HOOK3: variants seen among roughly 807,000 people sequenced by gnomAD.
HOOK3 encodes the protein hook microtubule tethering protein 3.
In HOOK3, 24 loss-of-function variants were observed where a neutral mutation model predicts 116.3. The observed-to-expected ratio is 0.21, with a 90% CI of 0.15 to 0.29. The LOEUF (loss-of-function observed/expected upper bound fraction) is 0.29, where lower values mean the gene tolerates loss of function less well. Ranked by LOEUF, HOOK3 falls within the 10% of genes least tolerant of loss-of-function variation. HOOK3 has a pLI of 1.00. For missense variants in HOOK3, 632 were observed against 830.2 expected, an observed-to-expected ratio of 0.76 and a Z score of 2.93; for synonymous variants, 275 against 283.0, an observed-to-expected ratio of 0.97 and a Z score of 0.28.
At chr8:43,006,114 G>A (rs190039629) in intron 17 of HOOK3, among the ~76,000 whole-genome samples, 27 of 141,138 alleles carry the variant, frequency 1.9e-4, no homozygotes, top group East Asian at 6.4e-4. Flanking sequence ...TCCGCCTCCC[G>A]GGTTCACGCC....
intron 21 of HOOK3, among the ~76,000 whole-genome samples, chr8:43,013,941 TTC>T (rs1456058109): frequency 6.6e-6 from 1 of 152,152 alleles, no homozygotes; most frequent in African/African-American, 2.4e-5. Context: ...TTTCAAGACT[TTC>T]TGTCTTCCTT....
intron 1 of HOOK3, among the ~76,000 whole-genome samples, chr8:42,903,338 CTTTT>C (rs1164136399): frequency 1.6e-3 from 139 of 87,604 alleles, no homozygotes; most frequent in African/African-American, 5.5e-3. Context: ...TAATAGTTGT[CTTTT>C]TTTTTTTTTT....
At chr8:42,977,424 C>T (rs1212760374) in intron 13 of HOOK3, among the ~76,000 whole-genome samples, 1 of 152,002 alleles carries the variant, frequency 6.6e-6, no homozygotes, top group East Asian at 1.9e-4. Context: ...CTTGGTTGAC[C>T]CAAAAAGACC....
intron 14 of HOOK3, among the ~76,000 whole-genome samples, chr8:42,984,401 G>C (rs1158734742): frequency 1.3e-5 from 2 of 151,714 alleles, no homozygotes; most frequent in Non-Finnish European, 2.9e-5. Context: ...ACAAACAAAA[G>C]GCGTGTTAAG....
At position 42,965,924 on chromosome 8, in the gene HOOK3, G is replaced by T. The variant is rs190269720; in HGVS notation, c.780-549G>T. On this transcript the variant is annotated intron_variant, in intron 9 of 21. Coordinates refer to ENST00000307602, the MANE Select transcript of HOOK3 (RefSeq NM_032410.4). ...AAGACCCTCTCTTTCCCGACTATGT[G>T]TCTGCAAGGCTGGATTTTCTTCATA... 2.2e-3 allele frequency among the ~76,000 whole-genome samples: 332 copies of T among 152,202 alleles called. 2 individuals are homozygous for T. Among genetic ancestry groups the T allele is most frequent in the African/African-American group, 7.8e-3 (324 of 41,512 alleles).
At chr8:42,907,121 G>A (rs953297046) in intron 2 of HOOK3, among the ~76,000 whole-genome samples, 12 of 152,162 alleles carry the variant, frequency 7.9e-5, no homozygotes, top group African/African-American at 2.7e-4. Flanking sequence ...AGGGTTTGTT[G>A]TAATTTGCAG....
chr8:42,925,942 T>C (rs1807757264), intron 3 of HOOK3, among the ~76,000 whole-genome samples: 1 of 152,196 alleles, frequency 6.6e-6, no homozygotes, highest in Admixed American at 6.5e-5. Flanking sequence ...AAATGAGGAT[T>C]AATATAGCTT....
intron 8 of HOOK3, among the ~76,000 whole-genome samples, chr8:42,961,548 A>G (rs1808534537): frequency 6.6e-6 from 1 of 152,194 alleles, no homozygotes; most frequent in Admixed American, 6.5e-5. Flanking sequence ...TATGGTAGGA[A>G]GGAATGACTC....
At chr8:42,938,085 C>T (rs1429972197) in intron 4 of HOOK3, among the ~76,000 whole-genome samples, 1 of 152,110 alleles carries the variant, frequency 6.6e-6, no homozygotes, top group Non-Finnish European at 1.5e-5. Context: ...GTATTGGGTG[C>T]ATATATATTT....
intron 4 of HOOK3, among the ~76,000 whole-genome samples, chr8:42,931,017 G>T (rs926709810): frequency 8.5e-5 from 13 of 152,148 alleles, no homozygotes; most frequent in African/African-American, 3.1e-4. Context: ...AAAGTCCTCT[G>T]TGGTTTCCCC....
At chr8:42,985,256 G>A (rs1809028400) in intron 14 of HOOK3, among the ~76,000 whole-genome samples, 2 of 152,134 alleles carry the variant, frequency 1.3e-5, no homozygotes, top group Admixed American at 1.3e-4. Flanking sequence ...AGGATATACA[G>A]AGAAGTATAT....
intron 17 of HOOK3, among the ~76,000 whole-genome samples, chr8:43,006,435 C>T (rs1056444875): frequency 7.2e-5 from 11 of 152,182 alleles, no homozygotes; most frequent in African/African-American, 2.6e-4. Context: ...CCACCTTAGC[C>T]TCCCGAGTAG....
At chr8:42,988,220 G>A (rs975964498) in intron 15 of HOOK3, among the ~76,000 whole-genome samples, 3 of 152,210 alleles carry the variant, frequency 2.0e-5, no homozygotes, top group Non-Finnish European at 4.4e-5. Context: ...GAAAAAGTGG[G>A]AAATGGAGAC....
intron 13 of HOOK3, among the ~76,000 whole-genome samples, chr8:42,974,458 G>A (rs1808783140): frequency 6.6e-6 from 1 of 151,926 alleles, no homozygotes; most frequent in South Asian, 2.1e-4. Flanking sequence ...AGGCTGGTCT[G>A]GAACTCCTGA....
At chr8:42,993,998 T>G (rs1411242813) in intron 15 of HOOK3, among the ~76,000 whole-genome samples, 1 of 152,150 alleles carries the variant, frequency 6.6e-6, no homozygotes, top group Non-Finnish European at 1.5e-5. Context: ...CATTTATTTC[T>G]GCTCTGATCC....
intron 1 of HOOK3, among the ~76,000 whole-genome samples, chr8:42,902,101 C>A (rs1807201554): frequency 6.6e-6 from 1 of 152,144 alleles, no homozygotes; most frequent in South Asian, 2.1e-4. Flanking sequence ...GTTTTCCAAT[C>A]TTGCATCCCT....
At chr8:42,934,752 C>T (rs1300862402) in intron 4 of HOOK3, among the ~76,000 whole-genome samples, 2 of 152,166 alleles carry the variant, frequency 1.3e-5, no homozygotes, top group African/African-American at 4.8e-5. Flanking sequence ...CATGGTATTC[C>T]ATGGTGTATA....
In HOOK3 at chr8:43,020,181, A is replaced by AT; in HGVS notation, c.*1689dup. On this transcript the variant is annotated 3_prime_UTR_variant, in exon 22 of 22. Coordinates refer to ENST00000307602, the MANE Select transcript of HOOK3 (RefSeq NM_032410.4). ...AGAACTGGAGCCATACATTGTGCTA[A>AT]TTTTTTACATTAAGTACAGAAGTCT... is the stretch of plus-strand genomic sequence containing the variant. 1 of 198,734 alleles carries AT rather than the reference A, an allele frequency of 5.0e-6. No homozygotes were observed. The highest frequency in any genetic ancestry group is 1.0e-5 in the Non-Finnish European group (1 of 96,126). The allele number at this position is 198,734 out of a possible 1,614,324, so 12.3% of individuals were successfully genotyped here.
chr8:42,946,222 G>A (rs1466758111), intron 5 of HOOK3, among the ~76,000 whole-genome samples: 2 of 152,126 alleles, frequency 1.3e-5, no homozygotes, highest in Admixed American at 6.6e-5. Flanking sequence ...ACAGATACCC[G>A]TATGATGAAC....
Sources: gnomAD v4.1 joint callset for allele counts (sites outside exome capture counted in the v4.1 genomes callset) on GRCh38, gnomAD v4.1.1 for gene constraint, MANE v1.5 for transcripts, NCBI Gene and HGNC (gene_info 2026-07-23, HGNC 2026-07-21) for gene names.